Variants in CNTLN observed in about 807,000 individuals in gnomAD.
CNTLN encodes the protein centlein, also known as centlein, centrosomal protein.
Under a neutral mutation model 180.0 loss-of-function variants are expected in CNTLN, and 212 were observed. The ratio of observed to expected loss-of-function variants is 1.18; its 90% CI spans 1.05 to 1.32. The LOEUF (loss-of-function observed/expected upper bound fraction) is 1.32, where lower values mean the gene tolerates loss of function less well. Ranked by LOEUF, CNTLN falls within the 40% of genes most tolerant of loss-of-function variation. CNTLN has a pLI of 0.00. For synonymous variants in CNTLN, 722 were observed against 563.1 expected (o/e 1.28, Z -3.99); for missense variants, 2,095 against 1,610.9 (o/e 1.30, Z -5.14).
chr9:17,392,428 G>C (rs1826184527), intron 14 of CNTLN, among the ~76,000 whole-genome samples: 1 of 152,130 alleles, frequency 6.6e-6, no homozygotes, highest in Admixed American at 6.5e-5. Context: ...AAAATTTAGA[G>C]GTAGAGTGAT....
the CNTLN span, among the ~76,000 whole-genome samples, chr9:17,518,418 T>C: frequency 0.083 from 12,628 of 152,172 alleles, 1,500 homozygotes; most frequent in African/African-American, 0.26. Flanking sequence ...GGGCCATAGA[T>C]CATTAGAATA....
chr9:17,378,406 C>G (rs955723669), intron 13 of CNTLN, among the ~76,000 whole-genome samples: 11 of 152,150 alleles, frequency 7.2e-5, no homozygotes, highest in South Asian at 4.1e-4. Context: ...GTCTCGATCT[C>G]CTGATCTCGT....
At chr9:17,377,044 T>G (rs1193889023) in intron 13 of CNTLN, among the ~76,000 whole-genome samples, 1 of 152,180 alleles carries the variant, frequency 6.6e-6, no homozygotes, top group Non-Finnish European at 1.5e-5. Flanking sequence ...AGTTTTTTGT[T>G]TCCTCCTCAT....
intron 5 of CNTLN, among the ~76,000 whole-genome samples, chr9:17,264,598 G>T (rs373959540): frequency 2.6e-5 from 4 of 151,958 alleles, no homozygotes; most frequent in African/African-American, 4.8e-5. Flanking sequence ...TTGGTAGCTT[G>T]ATGGGGATGA....
intron 6 of CNTLN, among the ~76,000 whole-genome samples, 157 bp from the exon 7 acceptor site, chr9:17,298,026 ATAAATAT>A (rs1407088421): frequency 2.0e-5 from 3 of 152,220 alleles, no homozygotes; most frequent in African/African-American, 4.8e-5. Context: ...TGTGTATGTG[ATAAATAT>A]TAAATATGTC....
Position 17,487,055 on chromosome 9 carries a change from C to A in CNTLN, c.4108C>A (p.Leu1370Ile), listed in dbSNP as rs751322538. The change falls in exon 25 of 26, where the codon CTT (leucine) becomes ATT (isoleucine). Residue 1370 changes from leucine to isoleucine, a missense_variant. Leu to Ile is a conservative substitution (Grantham distance 5, BLOSUM62 2). Transcript: ENST00000380647. Reference sequence around the variant, plus strand: ...ATGGATGTTGTACATTCAGAAACTTCTTGAAGGACAGGTATTTCATTTTTC... The same window carrying A: ...ATGGATGTTGTACATTCAGAAACTTATTGAAGGACAGGTATTTCATTTTTC... ...KEWMLYIQKL[L>I]EGQLPFASYL... The A allele has an allele frequency of 2.5e-6, 4 of 1,602,392 alleles. No homozygotes were observed. Among genetic ancestry groups the A allele is most frequent in the Non-Finnish European group, 3.4e-6 (4 of 1,171,870 alleles).
intron 15 of CNTLN, among the ~76,000 whole-genome samples, chr9:17,397,763 A>G (rs1826651300): frequency 6.6e-6 from 1 of 152,106 alleles, no homozygotes; most frequent in South Asian, 2.1e-4. Flanking sequence ...AAGGTCACAT[A>G]CTTTGAGAGA....
intron 1 of CNTLN, among the ~76,000 whole-genome samples, chr9:17,141,542 C>A (rs2131422654): frequency 6.6e-6 from 1 of 152,182 alleles, no homozygotes; most frequent in Middle Eastern, 3.4e-3. Context: ...GTATATGGGC[C>A]AGGCCATATG....
chr9:17,259,384 T>G (rs1264865689), intron 5 of CNTLN, among the ~76,000 whole-genome samples: 1 of 133,770 alleles, frequency 7.5e-6, no homozygotes, highest in Non-Finnish European at 1.6e-5. Flanking sequence ...TGCCAGTATT[T>G]TATTGAGGAT....
intron 2 of CNTLN, among the ~76,000 whole-genome samples, chr9:17,172,887 T>C (rs553441404): frequency 6.6e-6 from 1 of 152,304 alleles, no homozygotes; most frequent in African/African-American, 2.4e-5. Context: ...TATTTATTTA[T>C]GCTGATGTTT....
intron 18 of CNTLN, among the ~76,000 whole-genome samples, chr9:17,434,167 A>G (rs1829616197): frequency 6.6e-6 from 1 of 151,986 alleles, no homozygotes; most frequent in Non-Finnish European, 1.5e-5. Context: ...TAGAAACAAC[A>G]ATTTAGTTGA....
chr9:17,211,239 G>T (rs970575202), intron 2 of CNTLN, among the ~76,000 whole-genome samples: 10 of 152,202 alleles, frequency 6.6e-5, no homozygotes, highest in Non-Finnish European at 1.5e-4. Context: ...AGTACAAGGT[G>T]TAAGGAAGGG....
chr9:17,329,887 C>T (rs1295791462), intron 8 of CNTLN, among the ~76,000 whole-genome samples: 1 of 151,314 alleles, frequency 6.6e-6, no homozygotes, highest in South Asian at 2.1e-4. Flanking sequence ...AAACTGTTTT[C>T]ATGTGATTCT....
At chr9:17,250,733 A>C (rs571964324) in intron 5 of CNTLN, among the ~76,000 whole-genome samples, 1 of 152,062 alleles carries the variant, frequency 6.6e-6, no homozygotes, top group Non-Finnish European at 1.5e-5. Flanking sequence ...TATGTAGTTT[A>C]TATAGTTTTT....
At position 17,388,204 on chromosome 9, in the gene CNTLN, G is replaced by A. The variant is rs1825835465; in HGVS notation, c.2030G>A (p.Ser677Asn). The stretch of plus-strand genomic sequence containing the variant: ...GGTGAAGATGATGAGGTCAAGAGGA[G>A]TACTCCAGAGAAGAATGGAAAAGAA... ...RSGEDDEVKR[S>N]TPEKNGKEML... The change falls in exon 14 of 26, where the codon AGT (serine) becomes AAT (asparagine). Residue 677 changes from serine to asparagine, a missense_variant. Transcript: ENST00000380647. 2.5e-6 allele frequency: 4 copies of A among 1,612,380 alleles called. No homozygotes were observed. The highest frequency in any genetic ancestry group is 1.7e-5 in the Admixed American group (1 of 59,970).
chr9:17,154,131 AC>A (rs111713863), intron 2 of CNTLN, among the ~76,000 whole-genome samples: 13 of 152,010 alleles, frequency 8.6e-5, no homozygotes, highest in African/African-American at 3.1e-4. Flanking sequence ...GTTTGTTATT[AC>A]CCACCTTCTG....
intron 12 of CNTLN, among the ~76,000 whole-genome samples, chr9:17,360,098 G>A (rs972034914): frequency 2.0e-5 from 3 of 151,986 alleles, no homozygotes; most frequent in Non-Finnish European, 4.4e-5. Context: ...TCTAAGGATT[G>A]CTTTTGCTGT....
At chr9:17,260,452 G>C (rs57111704) in intron 5 of CNTLN, among the ~76,000 whole-genome samples, 2 of 151,282 alleles carry the variant, frequency 1.3e-5, no homozygotes, top group East Asian at 1.9e-4. Flanking sequence ...TGTATATTCT[G>C]TATGTCTTCT....
intron 6 of CNTLN, among the ~76,000 whole-genome samples, chr9:17,290,852 T>A (rs1000611941): frequency 4.6e-5 from 7 of 152,156 alleles, no homozygotes; most frequent in African/African-American, 1.4e-4. Flanking sequence ...AGGCAATGCC[T>A]CGCCCTGCTT....
Sources: allele counts gnomAD v4.1 joint callset (sites outside exome capture counted in the v4.1 genomes callset), GRCh38; gene constraint gnomAD v4.1.1; transcripts MANE v1.5; gene names NCBI Gene and HGNC (gene_info 2026-07-23, HGNC 2026-07-21).